PRKAA1: variants seen among roughly 807,000 people sequenced by gnomAD.
The protein encoded by PRKAA1 is protein kinase AMP-activated catalytic subunit alpha 1.
Under a neutral mutation model 56.9 loss-of-function variants are expected in PRKAA1, and 23 were observed. The observed-to-expected ratio is 0.40, with a 90% CI of 0.29 to 0.57. The LOEUF (loss-of-function observed/expected upper bound fraction) is 0.57. Among genes scored for constraint, PRKAA1 ranks in the 20% least tolerant of loss-of-function variants. The probability of loss-of-function intolerance (pLI) is 0.39; values close to 1 mark genes in which losing one functional copy is unlikely to be tolerated. For missense variants in PRKAA1, 413 were observed against 679.7 expected (o/e 0.61, Z 4.36); for synonymous variants, 226 against 227.0 (o/e 1.00, Z 0.04).
Position 40,797,986 on chromosome 5 carries a change from G to A in PRKAA1, c.127+77C>T, listed in dbSNP as rs561975755. ...GAAAGAAGGGACGCAGCGGGCGGGG[G>A]AGGATGAAGAGGTGCGGAAAGCGGA... On this transcript the variant is annotated intron_variant, in intron 1 of 8. Transcript: ENST00000397128. The A allele has an allele frequency of 2.6e-6, 4 of 1,566,012 alleles. No homozygotes were observed. The Admixed American group carries it at 5.2e-5, about 20-fold the overall frequency.
Position 40,777,551 on chromosome 5 carries a change from C to G in PRKAA1, c.163G>C (p.Val55Leu), listed in dbSNP as rs777461699. 6.2e-7 allele frequency: 1 copy of G among 1,613,136 alleles called. No individual in the cohort carries two copies. The highest frequency in any genetic ancestry group is 8.5e-7 in the Non-Finnish European group (1 of 1,179,194). ...KHELTGHKVA[V>L]KILNRQKIRS... is the part of the protein sequence containing the mutation. The stretch of plus-strand genomic sequence containing the variant: ...ATCTTCTGTCGATTGAGTATCTTCA[C>G]AGCTACTTTATGCCCAGTCAATTCA... Residue 55 changes from valine (V) to leucine (L), a missense_variant, in exon 2 of 9, where the codon GTG becomes CTG. This residue lies in a region of PRKAA1 where 61 missense variants were observed against 73.1 expected (regional missense o/e 0.83). Coordinates refer to ENST00000397128, the MANE Select transcript of PRKAA1 (RefSeq NM_006251.6).
At chr5:40,797,287 T>G (rs1041301872) in intron 1 of PRKAA1, among the ~76,000 whole-genome samples, 9 of 152,080 alleles carry the variant, frequency 5.9e-5, no homozygotes, top group Admixed American at 5.9e-4. Flanking sequence ...CCTTTGAAAA[T>G]AAGTGGAAAT....
chr5:40,767,608 C>T lies in PRKAA1; in HGVS notation c.679G>A (p.Asp227Asn). 1.2e-6 allele frequency: 2 copies of T among 1,613,710 alleles called. No homozygotes were observed. Among genetic ancestry groups the T allele is most frequent in the Non-Finnish European group, 1.7e-6 (2 of 1,179,658 alleles). ...ALLCGTLPFD[D>N]DHVPTLFKKI... ...TTAAAAAGAGTTGGCACATGGTCAT[C>T]ATCAAATGGAAGGGTTCCACATAAT... The change falls in exon 6 of 9, where the codon GAT (aspartate) becomes AAT (asparagine). Residue 227 changes from aspartate (D) to asparagine (N), a missense_variant. Asp to Asn is a conservative substitution (Grantham distance 23). Coordinates refer to ENST00000397128, the MANE Select transcript of PRKAA1 (RefSeq NM_006251.6).
chr5:40,781,329 T>C (rs1744257306), intron 1 of PRKAA1, among the ~76,000 whole-genome samples: 1 of 152,148 alleles, frequency 6.6e-6, no homozygotes, highest in Non-Finnish European at 1.5e-5. Flanking sequence ...TCTCCAAAAA[T>C]TTAACCTTTG....
intron 1 of PRKAA1, among the ~76,000 whole-genome samples, chr5:40,794,866 C>T (rs1744856213): frequency 1.5e-5 from 1 of 65,134 alleles, no homozygotes; most frequent in Non-Finnish European, 4.3e-5. Context: ...GCAATCTCTT[C>T]TGAAAAGAAG....
At chr5:40,768,323 TG>T (rs1272270979) in intron 5 of PRKAA1, 1 of 602,004 alleles carries the variant, frequency 1.7e-6, no homozygotes, top group African/African-American at 2.0e-5. Flanking sequence ...ACCAAGAGCT[TG>T]AAGAAAGACT....
chr5:40,767,438 T>C (rs1427134058), intron 6 of PRKAA1, 28 bp downstream of exon 6: 2 of 1,555,852 alleles, frequency 1.3e-6, no homozygotes, highest in South Asian at 2.2e-5. Context: ...TACTATCAGA[T>C]CTGATAACTT....
intron 6 of PRKAA1, among the ~76,000 whole-genome samples, chr5:40,765,816 A>C (rs1027214418): frequency 2.0e-5 from 3 of 152,130 alleles, no homozygotes; most frequent in African/African-American, 4.8e-5. Flanking sequence ...CAGGATTATG[A>C]CCCAGTTCTG....
In PRKAA1 at chr5:40,762,877, T is replaced by G; in HGVS notation, c.1581A>C (p.Ser527=). ...SEVSLTSSVT[S]LDSSPVDLTP... Reference sequence around the variant, plus strand: ...TTAGGTCAACAGGAGAAGAGTCAAGTGAGGTCACAGATGAGGTAAGAGAAA... The same window carrying G: ...TTAGGTCAACAGGAGAAGAGTCAAGGGAGGTCACAGATGAGGTAAGAGAAA... Residue 527 remains serine (S), a synonymous_variant, in exon 9 of 9, where the codon TCA becomes TCC. Coordinates refer to ENST00000397128, the MANE Select transcript of PRKAA1 (RefSeq NM_006251.6). 6.2e-7 allele frequency: 1 copy of G among 1,614,210 alleles called. No individual in the cohort carries two copies. Among genetic ancestry groups the G allele is most frequent in the Non-Finnish European group, 8.5e-7 (1 of 1,180,034 alleles).
intron 1 of PRKAA1, among the ~76,000 whole-genome samples, chr5:40,792,134 G>T (rs1421891144): frequency 3.3e-5 from 5 of 152,234 alleles, no homozygotes; most frequent in Non-Finnish European, 7.4e-5. Flanking sequence ...TCTTTAAAGA[G>T]ACATACTCTA....
At position 40,771,859 on chromosome 5, in the gene PRKAA1, T is replaced by C. The variant is rs1195866028; in HGVS notation, c.368A>G (p.Asp123Gly). The C allele has an allele frequency of 1.2e-6, 2 of 1,608,884 alleles. No homozygotes were observed. Among genetic ancestry groups the C allele is most frequent in the African/African-American group, 2.7e-5 (2 of 74,620 alleles). Residue 123 changes from aspartate (D) to glycine (G), a missense_variant, in exon 4 of 9, where the codon GAT (aspartate) becomes GGT (glycine). Physicochemically the swap from Asp to Gly is moderately conservative, Grantham distance 94. Coordinates refer to ENST00000397128, the MANE Select transcript of PRKAA1 (RefSeq NM_006251.6). ...FDYICKNGRLDEKESRRLFQQ... is the reference protein window; with the variant it reads ...FDYICKNGRLGEKESRRLFQQ... ...GAACAGACGCCGACTTTCTTTTTCA[T>C]CCAGCTAAGAAAAGTTAGAGAGGCT...
At chr5:40,774,786 T>G in intron 3 of PRKAA1, 3 of 590,482 alleles carry the variant, frequency 5.1e-6, no homozygotes, top group Non-Finnish European at 8.7e-6. Flanking sequence ...ACAAAGGGGC[T>G]TTTGCATACC....
chr5:40,773,749 G>C (rs1743859094), intron 3 of PRKAA1, among the ~76,000 whole-genome samples: 1 of 152,228 alleles, frequency 6.6e-6, no homozygotes, highest in South Asian at 2.1e-4. Flanking sequence ...CAAGGTAGAA[G>C]TGAGAGATGA....
chr5:40,762,886 A>C lies in PRKAA1; in HGVS notation c.1572T>G (p.Ser524=), dbSNP rs1022355668. ...CAGGAGAAGAGTCAAGTGAGGTCAC[A>C]GATGAGGTAAGAGAAACTTCTGAGG... ...GKSSEVSLTS[S]VTSLDSSPVD... The change falls in exon 9 of 9, where the codon TCT becomes TCG. Residue 524 remains serine (S), a synonymous_variant. Coordinates refer to ENST00000397128, the MANE Select transcript of PRKAA1 (RefSeq NM_006251.6). The C allele has an allele frequency of 1.4e-5, 23 of 1,614,120 alleles. No homozygotes were observed. Among genetic ancestry groups the C allele is most frequent in the Non-Finnish European group, 1.7e-5 (20 of 1,180,050 alleles).
At chr5:40,777,371 A>C (rs1196908376) in intron 2 of PRKAA1, 74 bp downstream of exon 2, 70 of 1,457,282 alleles carry the variant, frequency 4.8e-5, no homozygotes, top group Non-Finnish European at 6.6e-5. Context: ...CATTTTTCTC[A>C]CTTGTCACAT....
chr5:40,784,310 T>G (rs1476396059), intron 1 of PRKAA1, among the ~76,000 whole-genome samples: 1 of 152,156 alleles, frequency 6.6e-6, no homozygotes, highest in African/African-American at 2.4e-5. Context: ...AAATAAATAA[T>G]AGCTGTCATT....
At chr5:40,777,966 C>A (rs1407728678) in intron 1 of PRKAA1, among the ~76,000 whole-genome samples, 2 of 152,188 alleles carry the variant, frequency 1.3e-5, no homozygotes, top group East Asian at 1.9e-4. Context: ...CCCAGCTACT[C>A]GGGAGGCTGA....
At chr5:40,785,483 G>A (rs1358547066) in intron 1 of PRKAA1, among the ~76,000 whole-genome samples, 2 of 151,630 alleles carry the variant, frequency 1.3e-5, no homozygotes, top group South Asian at 2.1e-4. Context: ...CAGGTGATCC[G>A]CCCCCCCTCG....
At chr5:40,787,954 T>A (rs1051397819) in intron 1 of PRKAA1, among the ~76,000 whole-genome samples, 1 of 152,138 alleles carries the variant, frequency 6.6e-6, no homozygotes, top group Non-Finnish European at 1.5e-5. Context: ...AGAGACTCAC[T>A]TCACCATAAA....
Sources: allele counts gnomAD v4.1 joint callset (sites outside exome capture counted in the v4.1 genomes callset), GRCh38; gene constraint gnomAD v4.1.1; regional missense constraint gnomAD v4.1.1; transcripts MANE v1.5; gene names NCBI Gene and HGNC (gene_info 2026-07-23, HGNC 2026-07-21).